SBK1: variants seen among roughly 807,000 people sequenced by gnomAD.
The protein encoded by SBK1 is SH3 domain binding kinase 1.
In SBK1, 11 loss-of-function variants were observed where a neutral mutation model predicts 24.4. The ratio of observed to expected loss-of-function variants is 0.45; its 90% confidence interval spans 0.28 to 0.75. The LOEUF (loss-of-function observed/expected upper bound fraction) is 0.75. Among genes scored for constraint, SBK1 ranks in the 30% least tolerant of loss-of-function variants. SBK1 has a pLI of 0.12. For missense variants in SBK1, 467 were observed against 620.5 expected, an observed-to-expected ratio of 0.75 and a Z score of 2.63; for synonymous variants, 308 against 284.4, an observed-to-expected ratio of 1.08 and a Z score of -0.83.
At chr16:28,267,315 T>A (rs2044435408) in intron 1 of SBK1, among the ~76,000 whole-genome samples, 1 of 152,164 alleles carries the variant, frequency 6.6e-6, no homozygotes, top group Non-Finnish European at 1.5e-5. Flanking sequence ...CCGCCTCAGT[T>A]TCCCAAAGTG....
At chr16:28,273,751 T>G (rs2044481268) in intron 1 of SBK1, among the ~76,000 whole-genome samples, 1 of 152,228 alleles carries the variant, frequency 6.6e-6, no homozygotes, top group African/African-American at 2.4e-5. Flanking sequence ...TCTATTCTTG[T>G]TTTTGCTGCC....
chr16:28,292,079 T>A (rs546699845), upstream of SBK1: 1 of 151,800 alleles, frequency 6.6e-6, no homozygotes, highest in Admixed American at 6.6e-5. Flanking sequence ...GAACCTGGAT[T>A]TGTTTTCCCT....
At chr16:28,289,528 G>A (rs1024790217), upstream of SBK1, among the ~76,000 whole-genome samples, 15 of 152,248 alleles carry the variant, frequency 9.9e-5, no homozygotes, top group Admixed American at 5.2e-4. Context: ...CACTTTGGGA[G>A]GCTGAGGTGG....
At chr16:28,308,113 A>G (rs1266786627) in intron 1 of SBK1, among the ~76,000 whole-genome samples, 1 of 152,114 alleles carries the variant, frequency 6.6e-6, no homozygotes, top group African/African-American at 2.4e-5. Flanking sequence ...CTCTGGCCAC[A>G]TTCCAGGGAG....
At chr16:28,287,286 C>CAAAAAAAAAAAA (rs56232453) in intron 1 of SBK1, among the ~76,000 whole-genome samples, 3 of 124,870 alleles carry the variant, frequency 2.4e-5, no homozygotes, top group Admixed American at 8.5e-5. Context: ...ACTAAAAATA[C>CAAAAAAAAAAAA]AAAAAAAAAA....
At chr16:28,312,924 G>A (rs948258427) in intron 1 of SBK1, among the ~76,000 whole-genome samples, 2 of 152,072 alleles carry the variant, frequency 1.3e-5, no homozygotes, top group Non-Finnish European at 2.9e-5. Context: ...ACCTGAGGTC[G>A]GGAGTTCGAG....
intron 1 of SBK1, among the ~76,000 whole-genome samples, chr16:28,316,299 T>C (rs915481108): frequency 6.6e-6 from 1 of 152,130 alleles, no homozygotes; most frequent in Non-Finnish European, 1.5e-5. Flanking sequence ...CCCTACCTTA[T>C]GGACAGCCAT....
chr16:28,275,854 T>C (rs2044491503), intron 1 of SBK1, among the ~76,000 whole-genome samples: 1 of 150,990 alleles, frequency 6.6e-6, no homozygotes, highest in Non-Finnish European at 1.5e-5. Context: ...TCCAGCACTC[T>C]GGCCTGGGTG....
intron 1 of SBK1, among the ~76,000 whole-genome samples, chr16:28,271,110 G>A (rs920944166): frequency 1.4e-5 from 2 of 147,674 alleles, no homozygotes; most frequent in Non-Finnish European, 3.0e-5. Context: ...TGATCCACCC[G>A]TCTCAGCCTC....
chr16:28,281,424 G>C (rs1057283738), intron 1 of SBK1, among the ~76,000 whole-genome samples: 2 of 152,116 alleles, frequency 1.3e-5, no homozygotes. Context: ...CGAGTCCCGG[G>C]ACACCAGGAC....
intron 1 of SBK1, among the ~76,000 whole-genome samples, chr16:28,315,322 A>C (rs1236899171): frequency 6.6e-6 from 1 of 152,244 alleles, no homozygotes; most frequent in Admixed American, 6.5e-5. Context: ...TACATATGTC[A>C]GAATCATCAC....
At position 28,293,142 on chromosome 16, in the gene SBK1, C is replaced by T. The variant is rs2044613575; in HGVS notation, c.-166C>T. The T allele has an allele frequency of 1.0e-5, 10 of 985,616 alleles. No homozygotes were observed. The highest frequency in any genetic ancestry group is 1.2e-5 in the Non-Finnish European group (10 of 830,054). 61.1% of individuals were successfully genotyped at this position (985,616 alleles called of 1,614,324 possible). On this transcript the variant is annotated 5_prime_UTR_variant, in exon 1 of 4. Coordinates refer to ENST00000341901, the MANE Select transcript of SBK1 (RefSeq NM_001024401.3). The stretch of plus-strand genomic sequence containing the variant: ...TCACCAGCAAGAAGCCTCGGGGATC[C>T]CCCCCCTAAAGCTCCAGGACTTGGG...
intron 1 of SBK1, among the ~76,000 whole-genome samples, chr16:28,263,384 C>T (rs766690811): frequency 1.3e-5 from 2 of 152,160 alleles, no homozygotes; most frequent in African/African-American, 4.8e-5. Flanking sequence ...GCTTTGCATA[C>T]GGTAAACAGG....
upstream of SBK1, among the ~76,000 whole-genome samples, chr16:28,289,487 C>A (rs1000501031): frequency 1.3e-5 from 2 of 152,172 alleles, no homozygotes; most frequent in African/African-American, 2.4e-5. Flanking sequence ...GATGTCAGGC[C>A]GGGTGAGGTG....
chr16:28,316,196 G>T (rs1243686214), intron 1 of SBK1, among the ~76,000 whole-genome samples: 1 of 152,132 alleles, frequency 6.6e-6, no homozygotes, highest in African/African-American at 2.4e-5. Context: ...GGGATGGTGT[G>T]GCCACATCTA....
chr16:28,260,364 G>T (rs1214970350), intron 1 of SBK1, among the ~76,000 whole-genome samples: 3 of 152,090 alleles, frequency 2.0e-5, no homozygotes, highest in African/African-American at 7.2e-5. Context: ...TCCAAGCTGT[G>T]ACCACAGGCT....
Position 28,321,230 on chromosome 16 carries a change from CACACA to C in SBK1, c.*310_*314del. ...ACACACACACACACACACACACACA[CACACA>C]CACGCCAGGAGCAAGGGAGCTTTCG... On this transcript the variant is annotated 3_prime_UTR_variant, in exon 4 of 4. Transcript: ENST00000341901. 8.1e-6 allele frequency: 1 copy of C among 123,154 alleles called. No individual in the cohort carries two copies. The allele number at this position is 123,154 out of a possible 1,614,324, so 7.6% of individuals were successfully genotyped here.
chr16:28,318,875 G>A (rs2044817109), intron 2 of SBK1, 120 bp from the exon 3 acceptor site: 1 of 771,848 alleles, frequency 1.3e-6, no homozygotes, highest in South Asian at 1.5e-5. Flanking sequence ...TCCGTGAGAT[G>A]AGGACAGTCA....
At chr16:28,267,799 A>C (rs1000340692) in intron 1 of SBK1, among the ~76,000 whole-genome samples, 3 of 152,186 alleles carry the variant, frequency 2.0e-5, no homozygotes, top group Non-Finnish European at 1.5e-5. Flanking sequence ...TGGAAATGAG[A>C]GTAAAGCTGG....
Sources: gnomAD v4.1 joint callset for allele counts (sites outside exome capture counted in the v4.1 genomes callset) on GRCh38, gnomAD v4.1.1 for gene constraint, MANE v1.5 for transcripts, NCBI Gene and HGNC (gene_info 2026-07-23, HGNC 2026-07-21) for gene names.